The following STXBP5L variants were observed in gnomAD, a reference collection of about 807,000 sequenced individuals.
The protein encoded by STXBP5L is syntaxin-binding protein 5-like.
STXBP5L carries 65 observed loss-of-function variants against 144.5 expected under a neutral mutation model. The ratio of observed to expected loss-of-function variants is 0.45; its 90% CI spans 0.37 to 0.55. The LOEUF (loss-of-function observed/expected upper bound fraction) is 0.55, where lower values mean the gene tolerates loss of function less well. STXBP5L is among the 20% of genes least tolerant of loss of function. The pLI is 0.00. For missense variants in STXBP5L, 1,298 were observed against 1,405.5 expected, an observed-to-expected ratio of 0.92 and a Z score of 1.22; for synonymous variants, 505 against 469.6, an observed-to-expected ratio of 1.08 and a Z score of -0.97.
intron 7 of STXBP5L, among the ~76,000 whole-genome samples, chr3:121,150,641 T>C (rs2045899411): frequency 6.6e-6 from 1 of 152,122 alleles, no homozygotes; most frequent in Admixed American, 6.6e-5. Flanking sequence ...AATATAATAG[T>C]GTTTTAGGAT....
intron 14 of STXBP5L, among the ~76,000 whole-genome samples, chr3:121,245,300 A>T (rs1361368257): frequency 6.6e-6 from 1 of 151,602 alleles, no homozygotes; most frequent in Non-Finnish European, 1.5e-5. Flanking sequence ...GAAAATGCCT[A>T]TAGAAGGTGC....
At chr3:121,408,183 A>G (rs1166425571) in intron 23 of STXBP5L, among the ~76,000 whole-genome samples, 1 of 152,014 alleles carries the variant, frequency 6.6e-6, no homozygotes, top group Non-Finnish European at 1.5e-5. Context: ...GATACTTTTA[A>G]AATAAAATAT....
chr3:121,268,615 A>G (rs1324344837), intron 18 of STXBP5L, among the ~76,000 whole-genome samples: 1 of 152,230 alleles, frequency 6.6e-6, no homozygotes, highest in Admixed American at 6.5e-5. Context: ...TTGAATACAC[A>G]TTAAAGCGTA....
chr3:121,289,361 G>T (rs1031610087), intron 19 of STXBP5L, among the ~76,000 whole-genome samples: 2 of 151,940 alleles, frequency 1.3e-5, no homozygotes, highest in Non-Finnish European at 2.9e-5. Context: ...AACAATTCTA[G>T]ATTTATATGC....
intron 10 of STXBP5L, among the ~76,000 whole-genome samples, chr3:121,206,949 T>A (rs1009358329): frequency 2.6e-5 from 4 of 152,242 alleles, no homozygotes; most frequent in Admixed American, 6.5e-5. Flanking sequence ...TTAATTCAAA[T>A]TAAATAATCC....
At chr3:121,270,975 A>C (rs997280310) in intron 18 of STXBP5L, among the ~76,000 whole-genome samples, 1 of 152,132 alleles carries the variant, frequency 6.6e-6, no homozygotes, top group African/African-American at 2.4e-5. Context: ...ATTGCTTGTT[A>C]AGGTGATATC....
intron 5 of STXBP5L, among the ~76,000 whole-genome samples, chr3:121,103,327 G>C (rs1038182084): frequency 6.6e-6 from 1 of 152,106 alleles, no homozygotes; most frequent in East Asian, 1.9e-4. Flanking sequence ...AAGAAAATTG[G>C]TGCATATACA....
intron 19 of STXBP5L, among the ~76,000 whole-genome samples, chr3:121,310,948 T>C (rs763938989): frequency 3.3e-5 from 5 of 151,306 alleles, no homozygotes; most frequent in Non-Finnish European, 7.4e-5. Context: ...AAAAGATAAA[T>C]CACATACTGA....
At chr3:121,039,061 C>T (rs984152372) in intron 3 of STXBP5L, among the ~76,000 whole-genome samples, 2 of 151,878 alleles carry the variant, frequency 1.3e-5, no homozygotes, top group Non-Finnish European at 2.9e-5. Context: ...CTCACAATCA[C>T]TGCATTTTAA....
chr3:121,397,891 G>T (rs1435794199), intron 22 of STXBP5L, among the ~76,000 whole-genome samples: 3 of 152,188 alleles, frequency 2.0e-5, no homozygotes, highest in Non-Finnish European at 4.4e-5. Context: ...GGTTGAATTG[G>T]CCACGCAGAC....
intron 2 of STXBP5L, among the ~76,000 whole-genome samples, chr3:120,911,188 T>C (rs750046867): frequency 3.3e-5 from 5 of 152,090 alleles, no homozygotes; most frequent in Non-Finnish European, 5.9e-5. Context: ...TGAAACAGAA[T>C]GGCATTGGGC....
chr3:121,217,960 G>A (rs2048836171), intron 10 of STXBP5L, among the ~76,000 whole-genome samples: 1 of 147,330 alleles, frequency 6.8e-6, no homozygotes, highest in African/African-American at 2.5e-5. Context: ...ACAACATTTA[G>A]TAGTTACTAC....
At chr3:121,042,722 C>G (rs1947246687) in intron 4 of STXBP5L, among the ~76,000 whole-genome samples, 1 of 152,058 alleles carries the variant, frequency 6.6e-6, no homozygotes, top group African/African-American at 2.4e-5. Flanking sequence ...AAGATATTGG[C>G]AAATGTTCAC....
chr3:121,190,714 C>CAGGCGG (rs1485232669), intron 9 of STXBP5L, among the ~76,000 whole-genome samples: 1 of 140,550 alleles, frequency 7.1e-6, no homozygotes, highest in African/African-American at 2.5e-5. Flanking sequence ...GGCGGCTGGC[C>CAGGCGG]GGGCGGGGGC....
At chr3:121,161,282 G>T in intron 9 of STXBP5L, among the ~76,000 whole-genome samples, 3 of 147,144 alleles carry the variant, frequency 2.0e-5, no homozygotes, top group Admixed American at 6.8e-5. Flanking sequence ...CATTTTTCCT[G>T]GATTTAGATT....
At chr3:121,157,357 T>C in intron 8 of STXBP5L, 147 bp from the exon 9 acceptor site, 1 of 783,358 alleles carries the variant, frequency 1.3e-6, no homozygotes, top group Non-Finnish European at 1.8e-6. Flanking sequence ...CCAGAAATTA[T>C]AGTCTGATAT....
intron 22 of STXBP5L, among the ~76,000 whole-genome samples, chr3:121,398,233 T>C (rs1340445209): frequency 6.6e-6 from 1 of 152,240 alleles, no homozygotes; most frequent in Non-Finnish European, 1.5e-5. Flanking sequence ...CGTTTTAAAC[T>C]TAAACTAGAC....
intron 18 of STXBP5L, among the ~76,000 whole-genome samples, chr3:121,268,172 T>G (rs769141644): frequency 1.1e-4 from 16 of 152,194 alleles, no homozygotes; most frequent in Non-Finnish European, 1.8e-4. Context: ...TGCCCTTCAA[T>G]GATAGACTGG....
In STXBP5L at chr3:121,259,113, G is replaced by A; in HGVS notation, c.1903G>A (p.Asp635Asn). 1 of 1,605,006 alleles carries A rather than the reference G, an allele frequency of 6.2e-7. No individual in the cohort carries two copies. Among genetic ancestry groups the A allele is most frequent in the Non-Finnish European group, 8.5e-7 (1 of 1,174,720 alleles). The change falls in exon 18 of 27, where the codon GAT (aspartate) becomes AAT (asparagine). Residue 635 changes from aspartate to asparagine, a missense_variant. Coordinates refer to ENST00000471454, the MANE Select transcript of STXBP5L (RefSeq NM_001308330.2). ...AELVIQLVWVDGEPPQQITSL... is the reference protein window; with the variant it reads ...AELVIQLVWVNGEPPQQITSL... ...ACTTGTTATTCAATTGGTGTGGGTA[G>A]ATGGTGAACCTCCACAACAGATTAC...
Sources: allele counts gnomAD v4.1 joint callset (sites outside exome capture counted in the v4.1 genomes callset), GRCh38; gene constraint gnomAD v4.1.1; transcripts MANE v1.5; gene names NCBI Gene and HGNC (gene_info 2026-07-23, HGNC 2026-07-21).